IMMP2L: variants seen among roughly 807,000 people sequenced by gnomAD.
IMMP2L encodes inner mitochondrial membrane peptidase subunit 2, also known as mitochondrial inner membrane protease subunit 2.
A neutral mutation model predicts 19.3 loss-of-function variants in IMMP2L; 18 were observed. The ratio of observed to expected loss-of-function variants is 0.93; its 90% CI spans 0.64 to 1.38. The LOEUF is 1.38. IMMP2L is among the 40% of genes most tolerant of loss of function. The pLI, the probability that IMMP2L is intolerant of heterozygous loss-of-function variation, is 0.00. For missense variants in IMMP2L, 233 were observed against 218.2 expected (o/e 1.07, Z -0.43); for synonymous variants, 76 against 73.0 (o/e 1.04, Z -0.21).
At chr7:111,264,454 G>A (rs572179674) in intron 3 of IMMP2L, among the ~76,000 whole-genome samples, 6 of 151,926 alleles carry the variant, frequency 3.9e-5, no homozygotes, top group Non-Finnish European at 8.8e-5. Context: ...TACCCTTTTG[G>A]CAAATATATC....
Position 111,484,770 on chromosome 7 carries a change from G to C in IMMP2L, c.239+2468C>G, listed in dbSNP as rs181984471. Among the ~76,000 whole-genome samples, 223 of 152,204 alleles carry C rather than the reference G, an allele frequency of 1.5e-3. 1 individual carries two copies. Among genetic ancestry groups the C allele is most frequent in the Non-Finnish European group, 2.6e-3 (175 of 68,004 alleles). ...AAAATACATGGATATGGTCTAGAAA[G>C]CATGTTTCATCATAAGACTAAAAAG... On this transcript the variant is annotated intron_variant, in intron 3 of 5. Coordinates refer to ENST00000405709, the MANE Select transcript of IMMP2L (RefSeq NM_032549.4).
intron 1 of IMMP2L, among the ~76,000 whole-genome samples, chr7:111,554,416 G>A (rs6973171): frequency 0.78 from 118,543 of 151,930 alleles, 47,883 homozygotes; most frequent in East Asian, 0.97. Flanking sequence ...TGCTGCTATC[G>A]TGGGGCCATT....
In IMMP2L at chr7:110,730,567, T is replaced by G. The variant is rs140538959; in HGVS notation, c.409-66846A>C. Among the ~76,000 whole-genome samples, 7 of 151,716 alleles carry G rather than the reference T, an allele frequency of 4.6e-5. No homozygotes were observed. The East Asian group carries it at 7.7e-4, about 17-fold the overall frequency. ...TTTTTGAGACGGAGTCTCGCTCTGT[T>G]GCCCAGGCTGGAGTGCATGCCATCT... On this transcript the variant is annotated intron_variant, in intron 5 of 5. Coordinates refer to ENST00000405709, the MANE Select transcript of IMMP2L (RefSeq NM_032549.4).
intron 3 of IMMP2L, among the ~76,000 whole-genome samples, chr7:111,290,503 TTA>T (rs1820968584): frequency 6.6e-6 from 1 of 150,844 alleles, no homozygotes; most frequent in African/African-American, 2.5e-5. Flanking sequence ...TGACTTCTTT[TTA>T]AAAAAAAAAA....
chr7:111,343,930 T>C (rs1337711721), intron 3 of IMMP2L, among the ~76,000 whole-genome samples: 1 of 152,098 alleles, frequency 6.6e-6, no homozygotes, highest in African/African-American at 2.4e-5. Context: ...GGTCATTGTT[T>C]CTTCTCTCTC....
chr7:111,330,457 A>G (rs892106407), intron 3 of IMMP2L, among the ~76,000 whole-genome samples: 1 of 151,632 alleles, frequency 6.6e-6, no homozygotes, highest in Non-Finnish European at 1.5e-5. Flanking sequence ...GTATTCAAAC[A>G]CAAACAACCA....
intron 3 of IMMP2L, among the ~76,000 whole-genome samples, chr7:111,035,135 C>G (rs1270933594): frequency 1.3e-5 from 2 of 152,136 alleles, no homozygotes; most frequent in East Asian, 1.9e-4. Flanking sequence ...AAAACTGTAA[C>G]TGCTTCTCCA....
chr7:111,214,798 G>A (rs1811759422), intron 3 of IMMP2L, among the ~76,000 whole-genome samples: 1 of 150,022 alleles, frequency 6.7e-6, no homozygotes, highest in Non-Finnish European at 1.5e-5. Flanking sequence ...AAAAAAAAAA[G>A]AGAGAGAGAT....
intron 3 of IMMP2L, among the ~76,000 whole-genome samples, chr7:111,245,961 G>A (rs1048596217): frequency 7.7e-5 from 1 of 13,034 alleles, no homozygotes; most frequent in African/African-American, 9.3e-4. Context: ...GTTCATCAAG[G>A]ATATTGGTCT....
At chr7:111,337,447 TGGAA>T (rs947712701) in intron 3 of IMMP2L, among the ~76,000 whole-genome samples, 2 of 136,840 alleles carry the variant, frequency 1.5e-5, no homozygotes, top group Non-Finnish European at 3.1e-5. Flanking sequence ...GTTATTTGGA[TGGAA>T]GGATGGATGG....
At chr7:110,944,080 G>A in intron 4 of IMMP2L, among the ~76,000 whole-genome samples, 1 of 151,888 alleles carries the variant, frequency 6.6e-6, no homozygotes, top group Non-Finnish European at 1.5e-5. Flanking sequence ...ATATTGCAGA[G>A]AGCTTTCTGC....
chr7:110,799,215 C>T (rs1801077148), intron 5 of IMMP2L, among the ~76,000 whole-genome samples: 1 of 151,978 alleles, frequency 6.6e-6, no homozygotes, highest in Non-Finnish European at 1.5e-5. Context: ...GACTCCTTCG[C>T]CTGCTAACTG....
intron 5 of IMMP2L, among the ~76,000 whole-genome samples, chr7:110,742,934 G>A (rs779146681): frequency 7.9e-5 from 12 of 151,918 alleles, no homozygotes; most frequent in Admixed American, 1.3e-4. Flanking sequence ...CGTACATTAC[G>A]CTGATAAATT....
At chr7:111,362,237 C>G (rs937588111) in intron 3 of IMMP2L, among the ~76,000 whole-genome samples, 1 of 151,960 alleles carries the variant, frequency 6.6e-6, no homozygotes, top group African/African-American at 2.4e-5. Flanking sequence ...CTAATGTAAT[C>G]GTTTTTATTT....
chr7:110,742,978 ATCTAGGGAAT>A (rs1201194871), intron 5 of IMMP2L, among the ~76,000 whole-genome samples: 2 of 151,938 alleles, frequency 1.3e-5, no homozygotes, highest in African/African-American at 4.8e-5. Flanking sequence ...TTTTAATGCT[ATCTAGGGAAT>A]TCTATTAGTG....
At chr7:111,277,686 G>T (rs1788741685) in intron 3 of IMMP2L, among the ~76,000 whole-genome samples, 1 of 151,874 alleles carries the variant, frequency 6.6e-6, no homozygotes, top group African/African-American at 2.4e-5. Context: ...ATTACTCAAA[G>T]AACTAAAAAT....
At chr7:110,783,516 C>A (rs756462852) in intron 5 of IMMP2L, among the ~76,000 whole-genome samples, 1 of 151,522 alleles carries the variant, frequency 6.6e-6, no homozygotes, top group African/African-American at 2.4e-5. Flanking sequence ...TTTTAAAGAA[C>A]TGAAAAAATT....
intron 5 of IMMP2L, among the ~76,000 whole-genome samples, chr7:110,815,565 G>A (rs1469460414): frequency 6.6e-6 from 1 of 152,050 alleles, no homozygotes; most frequent in East Asian, 1.9e-4. Context: ...TTGTACCTCT[G>A]GTAGAATTCG....
At chr7:110,975,758 G>A (rs1178839589) in intron 3 of IMMP2L, among the ~76,000 whole-genome samples, 1 of 152,078 alleles carries the variant, frequency 6.6e-6, no homozygotes, top group Non-Finnish European at 1.5e-5. Flanking sequence ...CACTAGCACT[G>A]CAATGGGTTA....
Sources: allele counts gnomAD v4.1 joint callset (sites outside exome capture counted in the v4.1 genomes callset), GRCh38; gene constraint gnomAD v4.1.1; transcripts MANE v1.5; gene names NCBI Gene and HGNC (gene_info 2026-07-23, HGNC 2026-07-21).